Variants in CLCN4 observed in about 807,000 individuals in gnomAD.
CLCN4 encodes Cl-/H+ antiporter 4.
Under a neutral mutation model 41.7 loss-of-function variants are expected in CLCN4, and 1 was observed. The ratio of observed to expected loss-of-function variants is 0.02; its 90% CI spans 0.01 to 0.11. The LOEUF is 0.11. CLCN4 is among the 10% of genes least tolerant of loss of function. The pLI is 1.00. For missense variants in CLCN4, 287 were observed against 661.0 expected, an observed-to-expected ratio of 0.43 and a Z score of 6.20; for synonymous variants, 277 against 285.8, an observed-to-expected ratio of 0.97 and a Z score of 0.31.
At chrX:10,163,763 T>C (rs1923172969) in intron 2 of CLCN4, among the ~76,000 whole-genome samples, 1 of 111,952 alleles carries the variant, frequency 8.9e-6, no homozygotes, top group Admixed American at 9.4e-5. Context: ...TAGGCCAGGG[T>C]TTCTCAACCT....
At chrX:10,157,604 C>T (rs1922984878) in intron 1 of CLCN4, among the ~76,000 whole-genome samples, 1 of 112,829 alleles carries the variant, frequency 8.9e-6, no homozygotes, top group South Asian at 3.6e-4. Flanking sequence ...ACAAAATTAT[C>T]ACAGTTGTAA....
chrX:10,202,906 C>T (rs1396426330), intron 6 of CLCN4, among the ~76,000 whole-genome samples: 5 of 111,561 alleles, frequency 4.5e-5, no homozygotes, highest in Admixed American at 2.9e-4. Flanking sequence ...AGGTTAACAC[C>T]AGCAAGTCAC....
At chrX:10,211,027 A>T (rs752946543) in intron 9 of CLCN4, among the ~76,000 whole-genome samples, 1 of 96,823 alleles carries the variant, frequency 1.0e-5, no homozygotes, top group Non-Finnish European at 2.0e-5. Flanking sequence ...GCACTTTGGG[A>T]GGCCAAGGTG....
chrX:10,197,526 C>T (rs901923418), intron 5 of CLCN4, among the ~76,000 whole-genome samples: 3 of 110,789 alleles, frequency 2.7e-5, no homozygotes, highest in Admixed American at 9.6e-5. Context: ...TGTGCTTGGG[C>T]GTGGCCTTAA....
intron 5 of CLCN4, among the ~76,000 whole-genome samples, chrX:10,196,838 C>G (rs1205776901): frequency 8.9e-6 from 1 of 112,047 alleles, no homozygotes; most frequent in African/African-American, 3.2e-5. Context: ...ATCTTTTCAG[C>G]TGTTTTTAAG....
At chrX:10,204,452 A>G (rs962842265) in intron 6 of CLCN4, among the ~76,000 whole-genome samples, 1 of 111,306 alleles carries the variant, frequency 9.0e-6, no homozygotes, top group Non-Finnish European at 1.9e-5. Flanking sequence ...ATTTTCAAAC[A>G]TACAGAAAAG....
At chrX:10,168,365 G>A in intron 2 of CLCN4, among the ~76,000 whole-genome samples, 1 of 111,944 alleles carries the variant, frequency 8.9e-6, no homozygotes, top group South Asian at 3.7e-4. Context: ...TGTGGAGCCC[G>A]TGTCCTCTGC....
rs997738944 is a variant in CLCN4 at position 10,186,191 on chromosome X, C to T, written c.144+1015C>T. Reference sequence around the variant, plus strand: ...TGTGTAGATGCGTTGGTTTGAGCTGCGCTGCGGATGGGTGATCACAGGTGG... The same window carrying T: ...TGTGTAGATGCGTTGGTTTGAGCTGTGCTGCGGATGGGTGATCACAGGTGG... On this transcript the variant is annotated intron_variant, in intron 3 of 12. Coordinates refer to ENST00000380833, the MANE Select transcript of CLCN4 (RefSeq NM_001830.4). Among the ~76,000 whole-genome samples the T allele has an allele frequency of 5.5e-4, 60 of 109,290 alleles. 1 individual carries two copies. Among genetic ancestry groups the T allele is most frequent in the African/African-American group, 1.8e-3 (53 of 29,881 alleles). 94.9% of individuals were successfully genotyped at this position (109,290 alleles called of 115,157 possible). A position where few individuals can be genotyped will look rare whatever the true frequency, so the allele number is the denominator to read the frequency against.
At chrX:10,211,466 T>A (rs1246405872) in intron 9 of CLCN4, among the ~76,000 whole-genome samples, 1 of 111,095 alleles carries the variant, frequency 9.0e-6, no homozygotes, top group Non-Finnish European at 1.9e-5. Context: ...GGTAACATTT[T>A]ATGATGCTTG....
At chrX:10,229,654 T>G (rs1447856745) in intron 12 of CLCN4, among the ~76,000 whole-genome samples, 1 of 110,076 alleles carries the variant, frequency 9.1e-6, no homozygotes, top group Non-Finnish European at 1.9e-5. Context: ...GTTTGTTTTT[T>G]TGTCCTTGTG....
intron 10 of CLCN4, among the ~76,000 whole-genome samples, 162 bp from the exon 11 acceptor site, chrX:10,213,519 C>T (rs1046754535): frequency 8.9e-6 from 1 of 112,079 alleles, no homozygotes; most frequent in Non-Finnish European, 1.9e-5. Flanking sequence ...TTTGACAGGG[C>T]CTGGCCTGGG....
At chrX:10,187,263 T>A (rs1272017367) in intron 3 of CLCN4, among the ~76,000 whole-genome samples, 1 of 112,162 alleles carries the variant, frequency 8.9e-6, no homozygotes, top group Non-Finnish European at 1.9e-5. Flanking sequence ...GTTTTTTAAT[T>A]AAGTGAATTA....
Position 10,177,957 on chromosome X carries a change from T to C in CLCN4, c.-11-7065T>C, listed in dbSNP as rs772848739. 1.1e-4 allele frequency among the ~76,000 whole-genome samples: 12 copies of C among 111,086 alleles called. No individual in the cohort carries two copies. In the East Asian group the frequency reaches 3.1e-3, roughly 29 times the overall value. On this transcript the variant is annotated intron_variant, in intron 2 of 12. Transcript: ENST00000380833. ...TTATTCAGCAATAAATAAAAAGGGG[T>C]GAAGCACTGATACGCACCACAGCCT...
chrX:10,205,607 CT>C (rs923729645), intron 6 of CLCN4, among the ~76,000 whole-genome samples: 8,395 of 90,478 alleles, frequency 0.093, 560 homozygotes, highest in African/African-American at 0.22. Flanking sequence ...TGGCATATTC[CT>C]TTTTTTTTTT....
chrX:10,176,289 C>T (rs1923530992), intron 2 of CLCN4, among the ~76,000 whole-genome samples: 1 of 112,288 alleles, frequency 8.9e-6, no homozygotes. Flanking sequence ...CAGGGGCCGG[C>T]AAAGCACAGC....
At chrX:10,176,452 C>T (rs1923535586) in intron 2 of CLCN4, among the ~76,000 whole-genome samples, 1 of 112,576 alleles carries the variant, frequency 8.9e-6, no homozygotes, top group Admixed American at 9.3e-5. Context: ...ATATGGCCCG[C>T]GAAGCTGAAA....
intron 2 of CLCN4, among the ~76,000 whole-genome samples, chrX:10,172,780 G>A (rs1215425894): frequency 4.5e-5 from 5 of 111,541 alleles, no homozygotes; most frequent in Non-Finnish European, 7.5e-5. Context: ...TCTGAGCAGC[G>A]TGAATAGGCA....
chrX:10,198,860 C>T (rs1290803916), intron 6 of CLCN4, among the ~76,000 whole-genome samples: 2 of 111,967 alleles, frequency 1.8e-5, no homozygotes, highest in East Asian at 5.6e-4. Context: ...TTCAGTTCTC[C>T]TTTGGGTTGA....
chrX:10,198,191 C>T (rs1924147993), intron 6 of CLCN4, 130 bp downstream of exon 6: 6 of 625,476 alleles, frequency 9.6e-6, no homozygotes, highest in Admixed American at 7.6e-5. Flanking sequence ...AAGACTATGA[C>T]GTAGGTACTA....
Sources: gnomAD v4.1 joint callset for allele counts (sites outside exome capture counted in the v4.1 genomes callset) on GRCh38, gnomAD v4.1.1 for gene constraint, MANE v1.5 for transcripts, NCBI Gene and HGNC (gene_info 2026-07-23, HGNC 2026-07-21) for gene names.